The following ARHGAP10 variants were observed in gnomAD, a reference collection of about 807,000 sequenced individuals.
ARHGAP10 encodes rho GTPase-activating protein 10.
A neutral mutation model predicts 108.6 loss-of-function variants in ARHGAP10; 87 were observed. That is an observed-to-expected ratio of 0.80 (90% CI 0.67 to 0.96). ARHGAP10 has a LOEUF of 0.96. Ranked by LOEUF, ARHGAP10 falls within the 40% of genes least tolerant of loss-of-function variation. ARHGAP10 has a pLI of 0.00. For synonymous variants in ARHGAP10, 347 were observed against 341.1 expected (o/e 1.02, Z -0.19); for missense variants, 939 against 954.5 (o/e 0.98, Z 0.21).
intron 4 of ARHGAP10, among the ~76,000 whole-genome samples, chr4:147,853,710 T>C (rs945264781): frequency 5.3e-5 from 8 of 151,958 alleles, no homozygotes; most frequent in African/African-American, 1.5e-4. Flanking sequence ...CCTCCCCCCT[T>C]TGCTGTGTGC....
At chr4:147,938,661 C>G (rs867534812) in intron 13 of ARHGAP10, among the ~76,000 whole-genome samples, 2 of 152,134 alleles carry the variant, frequency 1.3e-5, no homozygotes, top group Non-Finnish European at 2.9e-5. Context: ...TTCATCACTC[C>G]GAGCAGGGAG....
intron 1 of ARHGAP10, among the ~76,000 whole-genome samples, chr4:147,782,125 A>G (rs1294511995): frequency 1.3e-5 from 2 of 152,226 alleles, no homozygotes; most frequent in Non-Finnish European, 2.9e-5. Context: ...CATTTGCCAC[A>G]TTGCCATAAG....
intron 20 of ARHGAP10, among the ~76,000 whole-genome samples, chr4:148,055,682 C>T (rs550458972): frequency 1.3e-5 from 2 of 152,222 alleles, no homozygotes; most frequent in African/African-American, 4.8e-5. Flanking sequence ...AGCAAGACTC[C>T]GTCTCAGGGA....
At chr4:147,763,344 G>A (rs891103031) in intron 1 of ARHGAP10, among the ~76,000 whole-genome samples, 74 of 146,030 alleles carry the variant, frequency 5.1e-4, no homozygotes, top group African/African-American at 1.8e-3. Flanking sequence ...AGACAGTCTC[G>A]CTCTGTCGCC....
chr4:147,743,925 AT>A (rs1341869325), intron 1 of ARHGAP10, among the ~76,000 whole-genome samples: 2 of 152,248 alleles, frequency 1.3e-5, no homozygotes, highest in East Asian at 1.9e-4. Context: ...TAGAAAAAAA[AT>A]TAAAAATATA....
intron 1 of ARHGAP10, among the ~76,000 whole-genome samples, chr4:147,811,144 AGG>A (rs1207596725): frequency 2.0e-5 from 3 of 152,220 alleles, no homozygotes; most frequent in African/African-American, 7.2e-5. Flanking sequence ...TCTGTTAATA[AGG>A]GACTTCTTTT....
chr4:147,858,783 C>T (rs1370576464), intron 5 of ARHGAP10, among the ~76,000 whole-genome samples: 1 of 152,206 alleles, frequency 6.6e-6, no homozygotes, highest in Non-Finnish European at 1.5e-5. Flanking sequence ...CTCTCACCTC[C>T]ATTTTCAGGT....
chr4:148,031,603 T>A lies in ARHGAP10; in HGVS notation c.1867+8190T>A, dbSNP rs1218567469. On this transcript the variant is annotated intron_variant, in intron 19 of 22. Transcript: ENST00000336498. ...TCAACAGACATTGCCATTTGTCTTG[T>A]GGTTCCTTTCAGAGTTACTCTGTGC... 2.6e-5 allele frequency among the ~76,000 whole-genome samples: 4 copies of A among 152,240 alleles called. No individual in the cohort carries two copies. The East Asian group carries it at 7.7e-4, about 29-fold the overall frequency.
At chr4:147,921,675 C>G (rs1160775628) in intron 13 of ARHGAP10, among the ~76,000 whole-genome samples, 1 of 152,156 alleles carries the variant, frequency 6.6e-6, no homozygotes, top group Non-Finnish European at 1.5e-5. Context: ...AAAGCAGTTA[C>G]AATTTCAAAT....
chr4:147,875,126 G>A lies in ARHGAP10; in HGVS notation c.808G>A (p.Gly270Ser). Reference protein sequence around the residue: ...HKRASQFTAEGYLYVQEKRPA... With the variant: ...HKRASQFTAESYLYVQEKRPA... ...ACGAGCAAGTCAGTTTACAGCCGAA[G>A]GCTACCTGTATGTCCAGGAAAAAAG... Residue 270 changes from glycine (G) to serine (S), a missense_variant, in exon 8 of 23, where the codon GGC becomes AGC. Physicochemically the swap from Gly to Ser is moderately conservative, Grantham distance 56. Transcript: ENST00000336498. 3 of 1,595,198 alleles carry A rather than the reference G, an allele frequency of 1.9e-6. No individual in the cohort carries two copies. Among genetic ancestry groups the A allele is most frequent in the Non-Finnish European group, 2.6e-6 (3 of 1,174,824 alleles).
chr4:147,845,959 A>G (rs1356801880), intron 3 of ARHGAP10, among the ~76,000 whole-genome samples: 2 of 152,174 alleles, frequency 1.3e-5, no homozygotes, highest in African/African-American at 2.4e-5. Flanking sequence ...TCTAAAATGT[A>G]GAGAGGATAA....
chr4:147,819,651 C>T (rs569101900), intron 1 of ARHGAP10, among the ~76,000 whole-genome samples: 7 of 152,204 alleles, frequency 4.6e-5, no homozygotes, highest in African/African-American at 7.2e-5. Flanking sequence ...GGGTTCCTCC[C>T]GGGTTCACAC....
intron 3 of ARHGAP10, among the ~76,000 whole-genome samples, chr4:147,839,156 C>G (rs983001018): frequency 6.0e-5 from 9 of 149,768 alleles, no homozygotes; most frequent in Non-Finnish European, 4.4e-5. Context: ...GTCTGTCTGT[C>G]TATGTATATA....
Position 147,815,999 on chromosome 4 carries a change from G to C in ARHGAP10, c.155-6728G>C, listed in dbSNP as rs572131395. Among the ~76,000 whole-genome samples, 22 of 152,338 alleles carry C rather than the reference G, an allele frequency of 1.4e-4. 1 individual carries two copies. The South Asian group carries it at 4.6e-3, about 32-fold the overall frequency. On this transcript the variant is annotated intron_variant, in intron 1 of 22. Coordinates refer to ENST00000336498, the MANE Select transcript of ARHGAP10 (RefSeq NM_024605.4). Reference sequence around the variant, plus strand: ...ATTTGTTACTACAGCAATAAGAAATGAATACGTAAGTGTCAGCTGTTTTAT... The same window carrying C: ...ATTTGTTACTACAGCAATAAGAAATCAATACGTAAGTGTCAGCTGTTTTAT...
At chr4:147,838,691 C>T (rs1313864066) in intron 3 of ARHGAP10, among the ~76,000 whole-genome samples, 2 of 152,136 alleles carry the variant, frequency 1.3e-5, no homozygotes, top group Non-Finnish European at 2.9e-5. Flanking sequence ...TGCCACCCCA[C>T]CTAGTTAATT....
chr4:148,044,982 G>C (rs1031042013), intron 19 of ARHGAP10, among the ~76,000 whole-genome samples: 5 of 152,126 alleles, frequency 3.3e-5, no homozygotes, highest in African/African-American at 1.2e-4. Flanking sequence ...TAGTCTTCTA[G>C]ACTTTATAAA....
intron 1 of ARHGAP10, among the ~76,000 whole-genome samples, chr4:147,739,985 C>T (rs1045935047): frequency 2.0e-5 from 3 of 151,116 alleles, no homozygotes; most frequent in African/African-American, 7.3e-5. Flanking sequence ...ATCCAGCTGC[C>T]TCGGCCTCCA....
intron 10 of ARHGAP10, among the ~76,000 whole-genome samples, chr4:147,886,945 A>G (rs1391655680): frequency 6.6e-6 from 1 of 151,964 alleles, no homozygotes; most frequent in African/African-American, 2.4e-5. Context: ...TAATTTTTGT[A>G]TTTTTAGTAG....
chr4:148,002,393 G>A (rs539729734), intron 18 of ARHGAP10, among the ~76,000 whole-genome samples: 2 of 152,230 alleles, frequency 1.3e-5, no homozygotes, highest in African/African-American at 4.8e-5. Flanking sequence ...TTGTCTCTCT[G>A]CCAGGCTTTG....
Sources: gnomAD v4.1 joint callset for allele counts (sites outside exome capture counted in the v4.1 genomes callset) on GRCh38, gnomAD v4.1.1 for gene constraint, MANE v1.5 for transcripts, NCBI Gene and HGNC (gene_info 2026-07-23, HGNC 2026-07-21) for gene names.